Variants in ANK3 observed in about 807,000 individuals in gnomAD.
The protein encoded by ANK3 is ankyrin 3, also known as ankyrin-3.
A neutral mutation model predicts 370.9 loss-of-function variants in ANK3; 57 were observed. The ratio of observed to expected loss-of-function variants is 0.15; its 90% CI spans 0.12 to 0.19. ANK3 has a LOEUF of 0.19. Ranked by LOEUF, ANK3 falls within the 10% of genes least tolerant of loss-of-function variation. The probability of loss-of-function intolerance (pLI) is 1.00; values close to 1 mark genes in which losing one functional copy is unlikely to be tolerated. For missense variants in ANK3, 4,439 were observed against 5,302.1 expected, an observed-to-expected ratio of 0.84 and a Z score of 5.06; for synonymous variants, 1,929 against 1,946.3, an observed-to-expected ratio of 0.99 and a Z score of 0.23.
In ANK3 at chr10:60,173,113, G is replaced by T. The variant is rs1418314463; in HGVS notation, c.2258C>A (p.Ser753Tyr). ...IKIVNFLLQH[S>Y]AKVNAKTKNG... ...CTTTGTTTTGGCATTAACTTTTGCA[G>T]AATGCTGGAGCAGGAAATTAACAAT... Residue 753 changes from serine (S) to tyrosine (Y), a missense_variant, in exon 19 of 44, where the codon TCT becomes TAT. Physicochemically the swap from Ser to Tyr is moderately radical, Grantham distance 144. Around this residue, in one of 13 missense-constraint regions of ANK3, gnomAD observed 702 missense variants for 941.5 expected, o/e 0.75. Coordinates refer to ENST00000280772, the MANE Select transcript of ANK3 (RefSeq NM_020987.5). The T allele has an allele frequency of 1.9e-6, 3 of 1,614,064 alleles. No individual in the cohort carries two copies. The highest frequency in any genetic ancestry group is 1.1e-5 in the South Asian group (1 of 91,072).
intron 2 of ANK3, among the ~76,000 whole-genome samples, chr10:60,424,768 T>C (rs2132960549): frequency 6.6e-6 from 1 of 152,178 alleles, no homozygotes; most frequent in East Asian, 1.9e-4. Context: ...ATATCCCTCT[T>C]ATAGGTTGAT....
At chr10:60,730,391 C>A (rs1201761866) in intron 1 of ANK3, among the ~76,000 whole-genome samples, 1 of 152,142 alleles carries the variant, frequency 6.6e-6, no homozygotes, top group African/African-American at 2.4e-5. Context: ...CTCCTGGGCT[C>A]AAGTGATCCT....
At chr10:60,538,728 CA>C (rs1052963480) in intron 2 of ANK3, among the ~76,000 whole-genome samples, 1 of 151,768 alleles carries the variant, frequency 6.6e-6, no homozygotes, top group Admixed American at 6.6e-5. Context: ...CTTCTAAAGG[CA>C]GGGGTTATCT....
chr10:60,245,816 C>A (rs1006227003), intron 7 of ANK3, among the ~76,000 whole-genome samples: 1 of 152,138 alleles, frequency 6.6e-6, no homozygotes, highest in African/African-American at 2.4e-5. Flanking sequence ...TTTGAATAGA[C>A]TGATAAGAAA....
intron 43 of ANK3, among the ~76,000 whole-genome samples, chr10:60,030,678 T>C (rs2073265761): frequency 6.6e-6 from 1 of 152,184 alleles, no homozygotes; most frequent in Admixed American, 6.5e-5. Context: ...CTCATTACCC[T>C]ATGCTTCTGA....
intron 2 of ANK3, among the ~76,000 whole-genome samples, chr10:60,489,819 T>A (rs1235696702): frequency 6.6e-6 from 1 of 152,172 alleles, no homozygotes; most frequent in Admixed American, 6.5e-5. Context: ...TTAATGAACA[T>A]CCTAAGAACA....
chr10:60,678,052 G>A (rs946849159), intron 1 of ANK3, among the ~76,000 whole-genome samples: 9 of 152,158 alleles, frequency 5.9e-5, no homozygotes, highest in African/African-American at 2.2e-4. Context: ...CCTCACAGAT[G>A]GAGAACAAAT....
At chr10:60,169,207 G>A (rs1030517277) in intron 21 of ANK3, among the ~76,000 whole-genome samples, 3 of 151,982 alleles carry the variant, frequency 2.0e-5, no homozygotes, top group East Asian at 3.9e-4. Context: ...GCCAGCATCC[G>A]TTGTTTTTTG....
chr10:60,712,309 G>A (rs913054125), intron 1 of ANK3, among the ~76,000 whole-genome samples: 2 of 152,192 alleles, frequency 1.3e-5, no homozygotes, highest in Non-Finnish European at 2.9e-5. Context: ...TAGAGATCCT[G>A]CAGGATAAAT....
At chr10:60,266,147 G>C (rs1337563057) in intron 5 of ANK3, among the ~76,000 whole-genome samples, 1 of 152,080 alleles carries the variant, frequency 6.6e-6, no homozygotes, top group Non-Finnish European at 1.5e-5. Flanking sequence ...AACAGGGAAA[G>C]ACTAGATACA....
At chr10:60,578,942 T>G (rs1236215202) in intron 2 of ANK3, among the ~76,000 whole-genome samples, 1 of 152,196 alleles carries the variant, frequency 6.6e-6, no homozygotes, top group Non-Finnish European at 1.5e-5. Flanking sequence ...TCTGGATATC[T>G]CTTACCTTTT....
intron 42 of ANK3, chr10:60,043,649 T>A: frequency 4.1e-6 from 4 of 985,404 alleles, no homozygotes; most frequent in Non-Finnish European, 4.8e-6. Flanking sequence ...GATGTGCAGA[T>A]CTTGAACTGA....
At chr10:60,212,918 A>G (rs2096879166) in intron 9 of ANK3, among the ~76,000 whole-genome samples, 1 of 152,106 alleles carries the variant, frequency 6.6e-6, no homozygotes, top group African/African-American at 2.4e-5. Flanking sequence ...TTTTCAGGCA[A>G]TCATCATGTG....
intron 1 of ANK3, among the ~76,000 whole-genome samples, chr10:60,633,613 C>A (rs1002071200): frequency 6.6e-6 from 1 of 152,088 alleles, no homozygotes; most frequent in Non-Finnish European, 1.5e-5. Flanking sequence ...TAAATTTTAG[C>A]TGGCCAATCC....
chr10:60,340,335 G>A (rs1594111857), intron 1 of ANK3, among the ~76,000 whole-genome samples: 1 of 152,174 alleles, frequency 6.6e-6, no homozygotes, highest in Non-Finnish European at 1.5e-5. Flanking sequence ...CTGGAGTCAG[G>A]CAATCCTCTT....
At chr10:60,452,528 G>A (rs761259133) in intron 2 of ANK3, among the ~76,000 whole-genome samples, 6 of 152,102 alleles carry the variant, frequency 3.9e-5, no homozygotes, top group Non-Finnish European at 8.8e-5. Flanking sequence ...CCTCCCCTTC[G>A]ATTGCCTTAA....
chr10:60,648,361 A>G (rs1372457651), intron 1 of ANK3, among the ~76,000 whole-genome samples: 3 of 141,262 alleles, frequency 2.1e-5, no homozygotes, highest in African/African-American at 7.9e-5. Context: ...GGATTTCACT[A>G]TGTTGGCCAG....
intron 2 of ANK3, among the ~76,000 whole-genome samples, chr10:60,528,134 CTTCT>C (rs1478625665): frequency 8.0e-5 from 10 of 124,292 alleles, no homozygotes; most frequent in Admixed American, 9.2e-5. Context: ...TTTTCTTCTT[CTTCT>C]TTTTTTTTTT....
chr10:60,395,618 TTCTCTCTCTCTCTCTC>T (rs71015791), intron 2 of ANK3, among the ~76,000 whole-genome samples: 66 of 126,276 alleles, frequency 5.2e-4, no homozygotes, highest in African/African-American at 1.3e-3. Context: ...CTCTCTTTCG[TTCTCTCTCTCTCTCTC>T]TCTCTCTCTC....
Sources: allele counts gnomAD v4.1 joint callset (sites outside exome capture counted in the v4.1 genomes callset), GRCh38; gene constraint gnomAD v4.1.1; regional missense constraint gnomAD v4.1.1; transcripts MANE v1.5; gene names NCBI Gene and HGNC (gene_info 2026-07-23, HGNC 2026-07-21).